The following IL15RA variants were observed in gnomAD, a reference collection of about 807,000 sequenced individuals.
IL15RA encodes the protein interleukin-15 receptor subunit alpha.
A neutral mutation model predicts 24.2 loss-of-function variants in IL15RA; 26 were observed. That is an observed-to-expected ratio of 1.07 (90% CI 0.79 to 1.49). The LOEUF is 1.49. Ranked by LOEUF, IL15RA falls within the 40% of genes most tolerant of loss-of-function variation. The pLI is 0.00. For missense variants in IL15RA, 354 were observed against 356.4 expected (o/e 0.99, Z 0.05); for synonymous variants, 166 against 157.6 (o/e 1.05, Z -0.40).
rs554974583 is a variant in IL15RA at position 5,971,792 on chromosome 10, C to T, written c.89-5453G>A. 3.9e-5 allele frequency among the ~76,000 whole-genome samples: 6 copies of T among 152,326 alleles called. No individual in the cohort carries two copies. The East Asian group carries it at 1.2e-3, about 29-fold the overall frequency. The stretch of plus-strand genomic sequence containing the variant: ...GGAGTTCCCAAAAAGTACAGACTGT[C>T]TCCAGCTCACTGCCTGAAACTTGGC... On this transcript the variant is annotated intron_variant, in intron 1 of 6. Coordinates refer to ENST00000379977, the MANE Select transcript of IL15RA (RefSeq NM_002189.4). The surrounding 1 kb of genome is among the most constrained non-coding windows in gnomAD (Gnocchi z 5.5).
chr10:5,966,265 C>T lies in IL15RA; in HGVS notation c.163G>A (p.Glu55Lys). 3 of 1,614,144 alleles carry T rather than the reference C, an allele frequency of 1.9e-6. No individual in the cohort carries two copies. In the South Asian group the frequency reaches 3.3e-5, roughly 18 times the overall value. ...AAACCAGAGTTACAAATGTACCGCT[C>T]CCTGGAGTACAAGCTGTAGCTCTTG... ...WVKSYSLYSR[E>K]RYICNSGFKR... is the part of the protein sequence containing the mutation. Residue 55 changes from glutamate (E) to lysine (K), a missense_variant, in exon 2 of 7, where the codon GAG becomes AAG. Glu to Lys is a moderately conservative substitution (Grantham distance 56). Transcript: ENST00000379977. The surrounding 1 kb of genome is among the most constrained non-coding windows in gnomAD (Gnocchi z 6.4).
rs1835573042 is a variant in IL15RA, at chr10:5,961,680, C to A, written c.383-1113G>T. ...CAGCGTCTTCCCTGTCTTCCTTGTCCTTCCCTGGAAGGTGGCTGCCCCTGC... is the reference window on the plus strand; with the variant it reads ...CAGCGTCTTCCCTGTCTTCCTTGTCATTCCCTGGAAGGTGGCTGCCCCTGC... On this transcript the variant is annotated intron_variant, in intron 3 of 6. Transcript: ENST00000379977. The surrounding 1 kb of genome is among the most constrained non-coding windows in gnomAD (Gnocchi z 5.2). 6.6e-6 allele frequency among the ~76,000 whole-genome samples: 1 copy of A among 152,246 alleles called. No homozygotes were observed. The highest frequency in any genetic ancestry group is 2.1e-4 in the South Asian group (1 of 4,834).
chr10:5,952,153 G>A (rs1449783694), downstream of IL15RA, among the ~76,000 whole-genome samples: 1 of 152,198 alleles, frequency 6.6e-6, no homozygotes, highest in Non-Finnish European at 1.5e-5. Context: ...GTATACCACT[G>A]GGGAGCTGAG....
chr10:5,969,533 C>A (rs1311912635), intron 1 of IL15RA, among the ~76,000 whole-genome samples: 2 of 152,038 alleles, frequency 1.3e-5, no homozygotes, highest in Non-Finnish European at 2.9e-5. Context: ...CCACCATGCC[C>A]AGCTAGTTAT....
upstream of IL15RA, chr10:5,977,741 G>T (rs1229932392): frequency 2.1e-5 from 20 of 937,188 alleles, no homozygotes; most frequent in Non-Finnish European, 2.8e-5. Flanking sequence ...TCCCCGGGAC[G>T]CATGGGCCGT....
rs1462785144 is a variant in IL15RA at position 5,969,000 on chromosome 10, G to A, written c.89-2661C>T. 6 of 1,531,386 alleles carry A rather than the reference G, an allele frequency of 3.9e-6. No individual in the cohort carries two copies. The highest frequency in any genetic ancestry group is 5.2e-6 in the Non-Finnish European group (6 of 1,143,944). 94.9% of individuals were successfully genotyped at this position (1,531,386 alleles called of 1,614,324 possible). On this transcript the variant is annotated intron_variant, in intron 1 of 6. Transcript: ENST00000379977. This position sits in a 1 kb window ranked among gnomAD's most constrained non-coding sequence, Gnocchi z 5.4. The stretch of plus-strand genomic sequence containing the variant: ...GCCGTGGACCTCCAGGGCTGTTTGT[G>A]TAGGATCCTGAGCAAGGACTAAGTG...
chr10:5,954,982 T>C (rs1244562169), intron 6 of IL15RA, among the ~76,000 whole-genome samples: 1 of 152,234 alleles, frequency 6.6e-6, no homozygotes, highest in Non-Finnish European at 1.5e-5. Context: ...TTGGTCGGGA[T>C]GGTATTCACA....
rs1265470539 is a variant in IL15RA, at chr10:5,971,637, C to A, written c.89-5298G>T. 6.6e-6 allele frequency among the ~76,000 whole-genome samples: 1 copy of A among 152,198 alleles called. No individual in the cohort carries two copies. Among genetic ancestry groups the A allele is most frequent in the Non-Finnish European group, 1.5e-5 (1 of 68,034 alleles). ...TTCAGAGATGTGTCAGATATGGTTC[C>A]TGCCCTCAGGATGCTCACTGTGGAG... On this transcript the variant is annotated intron_variant, in intron 1 of 6. Transcript: ENST00000379977. This position sits in a 1 kb window ranked among gnomAD's most constrained non-coding sequence, Gnocchi z 5.5.
At chr10:5,976,513 T>C (rs1255327234) in intron 1 of IL15RA, among the ~76,000 whole-genome samples, 3 of 152,204 alleles carry the variant, frequency 2.0e-5, no homozygotes, top group Admixed American at 2.0e-4. Flanking sequence ...TGTTCATTCA[T>C]GCATTTTTCT....
chr10:5,949,727 A>C (rs562534922), downstream of IL15RA, among the ~76,000 whole-genome samples: 1 of 152,332 alleles, frequency 6.6e-6, no homozygotes, highest in South Asian at 2.1e-4. This position sits in a 1 kb window ranked among gnomAD's most constrained non-coding sequence, Gnocchi z 4.4. Flanking sequence ...TTAGGCAGGA[A>C]GAAAATGGAA....
At chr10:5,954,186 T>TTTTTTTC (rs1554816722) in intron 6 of IL15RA, among the ~76,000 whole-genome samples, 1 of 138,150 alleles carries the variant, frequency 7.2e-6, no homozygotes, top group African/African-American at 2.8e-5. Flanking sequence ...TTTTTTTTTT[T>TTTTTTTC]TCTGAGACAG....
rs1242241491 is a variant in IL15RA, at chr10:5,968,999, T to G, written c.89-2660A>C. On this transcript the variant is annotated intron_variant, in intron 1 of 6. Transcript: ENST00000379977. This position sits in a 1 kb window ranked among gnomAD's most constrained non-coding sequence, Gnocchi z 5.4. ...AGCCGTGGACCTCCAGGGCTGTTTG[T>G]GTAGGATCCTGAGCAAGGACTAAGT... 1.3e-6 allele frequency: 2 copies of G among 1,531,610 alleles called. No homozygotes were observed. Among genetic ancestry groups the G allele is most frequent in the African/African-American group, 2.7e-5 (2 of 72,984 alleles). The allele number at this position is 1,531,610 out of a possible 1,614,324, so 94.9% of individuals were successfully genotyped here. A position where few individuals can be genotyped will look rare whatever the true frequency, so the allele number is the denominator to read the frequency against.
rs946891073 is a variant in IL15RA, at chr10:5,952,996, C to T, written c.*99G>A. 1 of 890,236 alleles carries T rather than the reference C, an allele frequency of 1.1e-6. No homozygotes were observed. The highest frequency in any genetic ancestry group is 2.4e-5 in the East Asian group (1 of 41,544). The allele number at this position is 890,236 out of a possible 1,614,324, so 55.1% of individuals were successfully genotyped here. On this transcript the variant is annotated 3_prime_UTR_variant, in exon 7 of 7. Coordinates refer to ENST00000379977, the MANE Select transcript of IL15RA (RefSeq NM_002189.4). Reference sequence around the variant, plus strand: ...ACTTCTGAGAGGCCTGGTGAGCTTGCTCCTGGAGCCCGCTTCCTTGCACCT... The same window carrying T: ...ACTTCTGAGAGGCCTGGTGAGCTTGTTCCTGGAGCCCGCTTCCTTGCACCT...
rs1834075954 is a variant in IL15RA, at chr10:5,953,364, G to C, written c.693-158C>G. On this transcript the variant is annotated intron_variant, in intron 6 of 6. Transcript: ENST00000379977. The surrounding 1 kb of genome is among the most constrained non-coding windows in gnomAD (Gnocchi z 5.3). ...TCAGACAGAGAGCACTTAGTCCTCA[G>C]AGATGGAGAGAACCTAGAATGCCTA... 1.4e-6 allele frequency: 1 copy of C among 718,292 alleles called. No individual in the cohort carries two copies. The highest frequency in any genetic ancestry group is 2.0e-5 in the Admixed American group (1 of 50,038). 44.5% of individuals were successfully genotyped at this position (718,292 alleles called of 1,614,324 possible).
intron 1 of IL15RA, among the ~76,000 whole-genome samples, chr10:5,972,968 T>C (rs1469102761): frequency 6.6e-6 from 1 of 152,084 alleles, no homozygotes; most frequent in East Asian, 1.9e-4. Context: ...TAAAGACACA[T>C]GAAAAGTTGT....
In IL15RA at chr10:5,966,660, C is replaced by T. The variant is rs996658531; in HGVS notation, c.89-321G>A. On this transcript the variant is annotated intron_variant, in intron 1 of 6. Transcript: ENST00000379977. The surrounding 1 kb of genome is among the most constrained non-coding windows in gnomAD (Gnocchi z 6.4). The stretch of plus-strand genomic sequence containing the variant: ...CTCTTAAAGTCTTCACCCCTCTCCA[C>T]CGTGGACCCAGCCTCCAATTCTCAC... Among the ~76,000 whole-genome samples the T allele has an allele frequency of 1.3e-5, 2 of 152,114 alleles. No homozygotes were observed. Among genetic ancestry groups the T allele is most frequent in the African/African-American group, 2.4e-5 (1 of 41,432 alleles).
rs8177654 is a variant in IL15RA at position 5,973,234 on chromosome 10, T to C, written c.88+4171A>G. 0.36 allele frequency among the ~76,000 whole-genome samples: 54,057 copies of C among 152,050 alleles called. 10,280 individuals are homozygous for C. Among genetic ancestry groups the C allele is most frequent in the African/African-American group, 0.48 (19,799 of 41,466 alleles). On this transcript the variant is annotated intron_variant, in intron 1 of 6. Transcript: ENST00000379977. The surrounding 1 kb of genome is among the most constrained non-coding windows in gnomAD (Gnocchi z 4.5). ...GCATAGTAGCACAAGAAGGAGACTT[T>C]GCACCTTAGTGATATTGATTTGTCC...
chr10:5,952,973 TTC>T lies in IL15RA; in HGVS notation c.*120_*121del. The T allele has an allele frequency of 1.3e-6, 1 of 746,114 alleles. No individual in the cohort carries two copies. Among genetic ancestry groups the T allele is most frequent in the Non-Finnish European group, 2.3e-6 (1 of 431,682 alleles). 46.2% of individuals were successfully genotyped at this position (746,114 alleles called of 1,614,324 possible). On this transcript the variant is annotated 3_prime_UTR_variant, in exon 7 of 7. Transcript: ENST00000379977. ...GCAGTCCGTGAGATCCTGCTGGGAC[TTC>T]TGAGAGGCCTGGTGAGCTTGCTCCT... is the stretch of plus-strand genomic sequence containing the variant.
At position 5,960,667 on chromosome 10, in the gene IL15RA, T is replaced by C. The variant is rs1413211242; in HGVS notation, c.383-100A>G. The C allele has an allele frequency of 4.2e-6, 4 of 955,256 alleles. No individual in the cohort carries two copies. The highest frequency in any genetic ancestry group is 6.5e-6 in the Non-Finnish European group (4 of 611,160). 59.2% of individuals were successfully genotyped at this position (955,256 alleles called of 1,614,324 possible). On this transcript the variant is annotated intron_variant, in intron 3 of 6. Coordinates refer to ENST00000379977, the MANE Select transcript of IL15RA (RefSeq NM_002189.4). This position sits in a 1 kb window ranked among gnomAD's most constrained non-coding sequence, Gnocchi z 5.1. ...TGGGAGCTGCCATAGTGAGTCACCC[T>C]GACCAGCCCTCCCTCTCTCACAGCC...
Sources: gnomAD v4.1 joint callset for allele counts (sites outside exome capture counted in the v4.1 genomes callset) on GRCh38, gnomAD v4.1.1 for gene constraint, Gnocchi (gnomAD v3.1) non-coding constraint, MANE v1.5 for transcripts, NCBI Gene and HGNC (gene_info 2026-07-23, HGNC 2026-07-21) for gene names.